Variants in GCSAML observed in about 807,000 individuals in gnomAD.
The protein encoded by GCSAML is germinal center-associated signaling and motility-like protein.
Under a neutral mutation model 13.0 loss-of-function variants are expected in GCSAML, and 9 were observed. That is an observed-to-expected ratio of 0.69 (90% CI 0.42 to 1.21). The LOEUF (loss-of-function observed/expected upper bound fraction) is 1.21, where lower values mean the gene tolerates loss of function less well. Ranked by LOEUF, GCSAML falls within the 50% of genes most tolerant of loss-of-function variation. The probability of loss-of-function intolerance (pLI) is 0.00; values close to 1 mark genes in which losing one functional copy is unlikely to be tolerated. For synonymous variants in GCSAML, 37 were observed against 52.9 expected, an observed-to-expected ratio of 0.70 and a Z score of 1.31; for missense variants, 143 against 153.4, an observed-to-expected ratio of 0.93 and a Z score of 0.36.
intron 1 of GCSAML, among the ~76,000 whole-genome samples, chr1:247,516,625 C>T (rs1479251108): frequency 1.3e-5 from 2 of 149,780 alleles, no homozygotes; most frequent in East Asian, 4.0e-4. Flanking sequence ...GACAGTAACC[C>T]TTTTCTGAGT....
chr1:247,526,676 A>G lies in GCSAML; in HGVS notation c.-262-264A>G. 3.0e-6 allele frequency: 1 copy of G among 333,822 alleles called. No individual in the cohort carries two copies. The highest frequency in any genetic ancestry group is 5.8e-6 in the Non-Finnish European group (1 of 172,162). The allele number at this position is 333,822 out of a possible 1,614,324, so 20.7% of individuals were successfully genotyped here. A position where few individuals can be genotyped will look rare whatever the true frequency, so the allele number is the denominator to read the frequency against. On this transcript the variant is annotated intron_variant, in intron 1 of 5. Transcript: ENST00000366489. The surrounding 1 kb of genome is among the most constrained non-coding windows in gnomAD (Gnocchi z 4.8). ...GGGAGGAAACCCATACATGAAGTAG[A>G]GGGTTCACAGAGCAGGTTTGGGATG...
At chr1:247,563,893 T>C (rs766637691) in intron 3 of GCSAML, among the ~76,000 whole-genome samples, 6 of 152,160 alleles carry the variant, frequency 3.9e-5, no homozygotes, top group Non-Finnish European at 7.3e-5. Context: ...TGTATATTGG[T>C]GTTCTAAAAT....
chr1:247,559,064 T>C (rs1306192525), intron 2 of GCSAML, among the ~76,000 whole-genome samples: 1 of 152,222 alleles, frequency 6.6e-6, no homozygotes, highest in Non-Finnish European at 1.5e-5. Context: ...CTTGTGTTTA[T>C]GGAAAAAGAA....
At chr1:247,567,556 T>C (rs1668434050) in intron 4 of GCSAML, among the ~76,000 whole-genome samples, 1 of 152,218 alleles carries the variant, frequency 6.6e-6, no homozygotes, top group South Asian at 2.1e-4. Context: ...TTGTGGCACA[T>C]TTTCTTTATC....
chr1:247,535,570 T>G (rs1453984690), intron 2 of GCSAML, among the ~76,000 whole-genome samples: 2 of 152,186 alleles, frequency 1.3e-5, no homozygotes, highest in Non-Finnish European at 2.9e-5. Context: ...GATAAAAATT[T>G]TGTTGACTCA....
chr1:247,527,827 T>G lies in GCSAML; in HGVS notation c.-148+773T>G, dbSNP rs931520028. The stretch of plus-strand genomic sequence containing the variant: ...GTCATCCCGCAGTGGTATAGAACAC[T>G]AGAACTTACTCCTCCAATGGAGCTG... On this transcript the variant is annotated intron_variant, in intron 2 of 5. Transcript: ENST00000366489. This position sits in a 1 kb window ranked among gnomAD's most constrained non-coding sequence, Gnocchi z 4.6. 1.3e-5 allele frequency: 2 copies of G among 152,192 alleles called. No individual in the cohort carries two copies. Among genetic ancestry groups the G allele is most frequent in the African/African-American group, 4.8e-5 (2 of 41,442 alleles). 9.4% of individuals were successfully genotyped at this position (152,192 alleles called of 1,614,324 possible). A position where few individuals can be genotyped will look rare whatever the true frequency, so the allele number is the denominator to read the frequency against.
chr1:247,531,517 T>C, intron 2 of GCSAML: 5 of 1,596,874 alleles, frequency 3.1e-6, no homozygotes, highest in Non-Finnish European at 4.3e-6. Flanking sequence ...CGATGTAAAC[T>C]TGATCTTCCT....
At chr1:247,537,844 G>C (rs1255667869) in intron 2 of GCSAML, among the ~76,000 whole-genome samples, 1 of 151,854 alleles carries the variant, frequency 6.6e-6, no homozygotes, top group Admixed American at 6.6e-5. Context: ...TTTTGATTGG[G>C]TTGTTTGTCT....
intron 4 of GCSAML, among the ~76,000 whole-genome samples, chr1:247,566,605 A>G (rs906339482): frequency 1.3e-4 from 20 of 151,724 alleles, no homozygotes; most frequent in Admixed American, 1.3e-4. Context: ...ATTTATACTT[A>G]AAAACTGACC....
chr1:247,567,662 G>A (rs1046829564), intron 4 of GCSAML, among the ~76,000 whole-genome samples: 3 of 152,140 alleles, frequency 2.0e-5, no homozygotes, highest in African/African-American at 7.2e-5. Flanking sequence ...CTTTATAGTA[G>A]AACGATTTAT....
In GCSAML at chr1:247,532,272, T is replaced by C; in HGVS notation, c.-148+5218T>C. ...GTCCCCAGAGGTTAGCCAGGAGCTG[T>C]GGGACAATGCTCGTGGTGAAGCTCA... On this transcript the variant is annotated intron_variant, in intron 2 of 5. Coordinates refer to the GCSAML transcript ENST00000366489. 7 of 1,614,180 alleles carry C rather than the reference T, an allele frequency of 4.3e-6. No individual in the cohort carries two copies. In the South Asian group the frequency reaches 6.6e-5, roughly 15 times the overall value.
chr1:247,547,180 A>AT (rs1223550949), upstream of GCSAML, among the ~76,000 whole-genome samples: 1 of 152,064 alleles, frequency 6.6e-6, no homozygotes, highest in African/African-American at 2.4e-5. Flanking sequence ...TAAATATTTT[A>AT]TTTTTTCTTA....
rs370307482 is a variant in GCSAML at position 247,574,342 on chromosome 1, G to A, written c.368G>A (p.Cys123Tyr). Residue 123 changes from cysteine to tyrosine, a missense_variant, in exon 5 of 5, where the codon TGC (cysteine) becomes TAC (tyrosine). By Grantham distance (194) the Cys-to-Tyr change is radical (BLOSUM62 -2). Transcript: ENST00000366488. Reference protein sequence around the residue: ...LRTSVSRPCSCTHEHDYEVVF... With the variant: ...LRTSVSRPCSYTHEHDYEVVF... ...ACTTCTGTTAGTAGGCCTTGTTCCTGCACCCATGAGCATGATTATGAAGTT... is the reference window on the plus strand; with the variant it reads ...ACTTCTGTTAGTAGGCCTTGTTCCTACACCCATGAGCATGATTATGAAGTT... 1.2e-5 allele frequency: 19 copies of A among 1,613,932 alleles called. No homozygotes were observed. Among genetic ancestry groups the A allele is most frequent in the Admixed American group, 1.0e-4 (6 of 59,986 alleles).
In GCSAML at chr1:247,574,436, G is replaced by T; in HGVS notation, c.*54G>T. ...GCAATGAAGACAATGCAGAATAGCA[G>T]ACTCTGGCGAAGTTGTTCACCCTGA... On this transcript the variant is annotated 3_prime_UTR_variant, in exon 5 of 5. Transcript: ENST00000366488. The T allele has an allele frequency of 6.3e-7, 1 of 1,591,984 alleles. No homozygotes were observed. The highest frequency in any genetic ancestry group is 1.7e-4 in the Middle Eastern group (1 of 5,954).
chr1:247,553,801 A>T (rs979798963), intron 1 of GCSAML, among the ~76,000 whole-genome samples: 15 of 152,234 alleles, frequency 9.9e-5, no homozygotes, highest in African/African-American at 3.4e-4. Context: ...AGGACCAAAC[A>T]TTATCAAATG....
chr1:247,576,401 C>G lies in GCSAML; in HGVS notation c.*2019C>G, dbSNP rs1668836105. On this transcript the variant is annotated 3_prime_UTR_variant, in exon 5 of 5. Coordinates refer to ENST00000366488, the MANE Select transcript of GCSAML (RefSeq NM_145278.5). ...TTCTACAAATAATTAAAAAATTAGCCAGGTGTGGTGGTGCACACCTGTAGT... is the reference window on the plus strand; with the variant it reads ...TTCTACAAATAATTAAAAAATTAGCGAGGTGTGGTGGTGCACACCTGTAGT... 6.6e-6 allele frequency: 1 copy of G among 152,070 alleles called. No individual in the cohort carries two copies. The highest frequency in any genetic ancestry group is 2.1e-4 in the South Asian group (1 of 4,818). The allele number at this position is 152,070 out of a possible 1,614,324, so 9.4% of individuals were successfully genotyped here.
At chr1:247,525,688 A>G (rs935240047) in intron 1 of GCSAML, 1 of 152,234 alleles carries the variant, frequency 6.6e-6, no homozygotes, top group African/African-American at 2.4e-5. Context: ...TGGAGGCATC[A>G]TTCTGTAGGC....
In GCSAML at chr1:247,554,398, T is replaced by C. The variant is rs193132272; in HGVS notation, c.30-2009T>C. ...TTCTTTAGTTGGTCTTTCCAGACTT[T>C]TGCTATCTTACTGATATTATTCTTT... On this transcript the variant is annotated intron_variant, in intron 1 of 4. Transcript: ENST00000366488. Among the ~76,000 whole-genome samples, 32 of 152,266 alleles carry C rather than the reference T, an allele frequency of 2.1e-4. 1 individual carries two copies. In the East Asian group the frequency reaches 4.6e-3, roughly 22 times the overall value.
At chr1:247,522,171 C>G (rs4925680) in intron 1 of GCSAML, among the ~76,000 whole-genome samples, 2 of 150,034 alleles carry the variant, frequency 1.3e-5, no homozygotes, top group Non-Finnish European at 3.0e-5. Flanking sequence ...AAGTGAGGAG[C>G]GTCTCCGCCC....
Sources: allele counts gnomAD v4.1 joint callset (sites outside exome capture counted in the v4.1 genomes callset), GRCh38; gene constraint gnomAD v4.1.1; non-coding constraint Gnocchi (gnomAD v3.1); transcripts MANE v1.5; gene names NCBI Gene and HGNC (gene_info 2026-07-23, HGNC 2026-07-21).